The following ZMYND8 variants were observed in gnomAD, a reference collection of about 807,000 sequenced individuals.
ZMYND8 encodes MYND-type zinc finger-containing chromatin reader ZMYND8.
A neutral mutation model predicts 140.8 loss-of-function variants in ZMYND8; 37 were observed. The observed-to-expected ratio is 0.26, with a 90% CI of 0.20 to 0.35. The LOEUF (loss-of-function observed/expected upper bound fraction) is 0.35, where lower values mean the gene tolerates loss of function less well. Ranked by LOEUF, ZMYND8 falls within the 10% of genes least tolerant of loss-of-function variation. ZMYND8 has a pLI of 1.00. For synonymous variants in ZMYND8, 592 were observed against 597.1 expected, an observed-to-expected ratio of 0.99 and a Z score of 0.12; for missense variants, 1,068 against 1,570.0, an observed-to-expected ratio of 0.68 and a Z score of 5.40.
At chr20:47,284,147 T>C (rs1388775546) in intron 8 of ZMYND8, among the ~76,000 whole-genome samples, 1 of 152,112 alleles carries the variant, frequency 6.6e-6, no homozygotes, top group African/African-American at 2.4e-5. Context: ...GGTCTCAAAC[T>C]CCTGGCCTCA....
chr20:47,227,120 T>C, intron 18 of ZMYND8, 83 bp downstream of exon 18: 2 of 1,403,890 alleles, frequency 1.4e-6, no homozygotes, highest in Non-Finnish European at 2.0e-6. Flanking sequence ...TTAATTGCAC[T>C]CACATCTCGG....
At position 47,210,030 on chromosome 20, in the gene ZMYND8, T is replaced by C. The variant is rs545112254; in HGVS notation, c.*731A>G. The C allele has an allele frequency of 6.5e-6, 1 of 152,722 alleles. No homozygotes were observed. The highest frequency in any genetic ancestry group is 1.9e-4 in the East Asian group (1 of 5,194). The allele number at this position is 152,722 out of a possible 1,614,324, so 9.5% of individuals were successfully genotyped here. A position where few individuals can be genotyped will look rare whatever the true frequency, so the allele number is the denominator to read the frequency against. On this transcript the variant is annotated 3_prime_UTR_variant, in exon 23 of 23. Coordinates refer to ENST00000471951, the MANE Select transcript of ZMYND8 (RefSeq NM_001281775.3). ...CTCCTGTGACTGAGCTGAGTGGGGC[T>C]TGTTTGTTTCTCTTCTGTAAACAAG...
At chr20:47,307,427 C>T (rs1397742301) in intron 3 of ZMYND8, among the ~76,000 whole-genome samples, 1 of 152,044 alleles carries the variant, frequency 6.6e-6, no homozygotes, top group African/African-American at 2.4e-5. Context: ...CACTGCACTC[C>T]AGCCTGGGCA....
intron 10 of ZMYND8, 115 bp from the exon 11 acceptor site, chr20:47,276,910 TA>T (rs10717572): frequency 0.31 from 159,491 of 513,108 alleles, 8,967 homozygotes; most frequent in Non-Finnish European, 0.32. Flanking sequence ...CTTATTCTAT[TA>T]AAAAAAAAAA....
intron 11 of ZMYND8, among the ~76,000 whole-genome samples, chr20:47,269,937 A>C (rs1211992865): frequency 6.6e-6 from 1 of 152,214 alleles, no homozygotes; most frequent in African/African-American, 2.4e-5. Flanking sequence ...CTAACACAGA[A>C]ACATATTCAG....
Position 47,218,063 on chromosome 20 carries a change from G to A in ZMYND8, c.3484+2195C>T, listed in dbSNP as rs866148422. Among the ~76,000 whole-genome samples the A allele has an allele frequency of 2.6e-5, 4 of 152,242 alleles. No homozygotes were observed. The East Asian group carries it at 5.8e-4, about 22-fold the overall frequency. ...TCTATGTCTACTTTCACACTACAAC[G>A]GCAGGGTGAGCAGCTATGACAGGAA... On this transcript the variant is annotated intron_variant, in intron 21 of 22. Transcript: ENST00000471951.
At chr20:47,264,816 C>T (rs1057235522) in intron 11 of ZMYND8, among the ~76,000 whole-genome samples, 2 of 151,940 alleles carry the variant, frequency 1.3e-5, no homozygotes, top group African/African-American at 4.8e-5. Context: ...GGGAGGATCA[C>T]TTGAGCTCGG....
At position 47,276,022 on chromosome 20, in the gene ZMYND8, A is replaced by G. The variant is rs556254672; in HGVS notation, c.1480+292T>C. On this transcript the variant is annotated intron_variant, in intron 11 of 22. Coordinates refer to ENST00000471951, the MANE Select transcript of ZMYND8 (RefSeq NM_001281775.3). ...TAAAACAAAATTATTTGTGTTATGG[A>G]AAGTCAATAATCCAAAATGCAGCGA... 1.7e-4 allele frequency among the ~76,000 whole-genome samples: 26 copies of G among 152,338 alleles called. 1 individual carries two copies. Among genetic ancestry groups the G allele is most frequent in the African/African-American group, 5.5e-4 (23 of 41,586 alleles).
At chr20:47,299,772 T>C (rs947198760) in intron 3 of ZMYND8, among the ~76,000 whole-genome samples, 5 of 152,032 alleles carry the variant, frequency 3.3e-5, no homozygotes, top group Non-Finnish European at 7.4e-5. Context: ...TTAGTAGAGA[T>C]GGGGTTTCAC....
chr20:47,221,423 T>C lies in ZMYND8; in HGVS notation c.3308A>G (p.Asn1103Ser), dbSNP rs747397875. The C allele has an allele frequency of 8.1e-6, 13 of 1,614,066 alleles. No homozygotes were observed. The African/African-American group carries it at 1.6e-4, about 20-fold the overall frequency. Residue 1103 changes from asparagine to serine, a missense_variant, in exon 20 of 23, where the codon AAT (asparagine) becomes AGT (serine). Physicochemically the swap from Asn to Ser is conservative, Grantham distance 46. Transcript: ENST00000471951. ...CGAGGAGCTCCCCTGGGAGGACTTA[T>C]TTAGTGTTTCTGTGTTCACCTCAGC... ...ADAEVNTETL[N>S]KSSQGSSSST...
intron 15 of ZMYND8, chr20:47,238,523 A>C (rs1034308385): frequency 2.9e-6 from 2 of 688,510 alleles, no homozygotes; most frequent in African/African-American, 1.8e-5. Context: ...TTTAAGGAGA[A>C]TATATGCATG....
At chr20:47,304,084 A>C (rs2078291809) in intron 3 of ZMYND8, among the ~76,000 whole-genome samples, 1 of 152,168 alleles carries the variant, frequency 6.6e-6, no homozygotes, top group Non-Finnish European at 1.5e-5. Flanking sequence ...CATTTCTGAG[A>C]TATGATTTTT....
chr20:47,254,431 T>C (rs917659755), intron 12 of ZMYND8, among the ~76,000 whole-genome samples: 2 of 152,152 alleles, frequency 1.3e-5, no homozygotes, highest in East Asian at 3.8e-4. Context: ...TTGTCTTCAA[T>C]AGCAAAAATG....
chr20:47,262,208 C>G, intron 12 of ZMYND8, 80 bp downstream of exon 12: 1 of 1,592,102 alleles, frequency 6.3e-7, no homozygotes, highest in Non-Finnish European at 8.6e-7. Context: ...GGTTCAAGAA[C>G]CACATACACA....
intron 11 of ZMYND8, among the ~76,000 whole-genome samples, chr20:47,266,848 G>C (rs1351195379): frequency 1.3e-5 from 2 of 151,858 alleles, no homozygotes; most frequent in African/African-American, 4.8e-5. Flanking sequence ...GGTGTGTATA[G>C]ACAGTACATA....
Position 47,282,350 on chromosome 20 carries a change from C to T in ZMYND8, c.883-133G>A, listed in dbSNP as rs978499733. On this transcript the variant is annotated intron_variant, in intron 9 of 22. Coordinates refer to ENST00000471951, the MANE Select transcript of ZMYND8 (RefSeq NM_001281775.3). ...GTGGAAAAAGAGTTTCAAGCAGGGT[C>T]GGCCTGTGTGGTATTCCCTAAAAGG... The T allele has an allele frequency of 7.2e-6, 5 of 696,554 alleles. No homozygotes were observed. The African/African-American group carries it at 7.3e-5, about 10-fold the overall frequency. The allele number at this position is 696,554 out of a possible 1,614,324, so 43.1% of individuals were successfully genotyped here. A position where few individuals can be genotyped will look rare whatever the true frequency, so the allele number is the denominator to read the frequency against.
Position 47,276,326 on chromosome 20 carries a change from C to G in ZMYND8, c.1468G>C (p.Asp490His), listed in dbSNP as rs757159042. The change falls in exon 11 of 23, where the codon GAT (aspartate) becomes CAT (histidine). Residue 490 changes from aspartate (D) to histidine (H), a missense_variant. Asp to His is a moderately conservative substitution (Grantham distance 81, BLOSUM62 -1). Around this residue, in one of 10 missense-constraint regions of ZMYND8, gnomAD observed 173 missense variants for 223.3 expected, o/e 0.77. Coordinates refer to ENST00000471951, the MANE Select transcript of ZMYND8 (RefSeq NM_001281775.3). The stretch of plus-strand genomic sequence containing the variant: ...GCACGGAGCTGACCTGTGCTCTTAT[C>G]CAGGAAGTCCATGGACTCCTCGCTC... ...SASEESMDFL[D>H]KSTASPASTK... 16 of 1,565,438 alleles carry G rather than the reference C, an allele frequency of 1.0e-5. No individual in the cohort carries two copies. The highest frequency in any genetic ancestry group is 1.4e-5 in the Non-Finnish European group (16 of 1,152,074).
In ZMYND8 at chr20:47,311,771, G is replaced by C. The variant is rs143761709; in HGVS notation, c.86-1567C>G. On this transcript the variant is annotated intron_variant, in intron 2 of 22. Transcript: ENST00000471951. The stretch of plus-strand genomic sequence containing the variant: ...TGTAATCCCAGCTACTTGGGAGACT[G>C]AGGCAGGAGAATCGCTTGAACCCAG... 1.7e-3 allele frequency among the ~76,000 whole-genome samples: 262 copies of C among 152,282 alleles called. 2 individuals carry two copies. Among genetic ancestry groups the C allele is most frequent in the African/African-American group, 6.1e-3 (254 of 41,548 alleles).
chr20:47,307,491 C>T (rs1052697001), intron 3 of ZMYND8, among the ~76,000 whole-genome samples: 13 of 151,956 alleles, frequency 8.6e-5, no homozygotes, highest in African/African-American at 2.9e-4. Context: ...TAAAGGGACA[C>T]CGGAAAGCCC....
Sources: gnomAD v4.1 joint callset for allele counts (sites outside exome capture counted in the v4.1 genomes callset) on GRCh38, gnomAD v4.1.1 for gene constraint, gnomAD v4.1.1 regional missense constraint, MANE v1.5 for transcripts, NCBI Gene and HGNC (gene_info 2026-07-23, HGNC 2026-07-21) for gene names.